MAP7: variants seen among roughly 807,000 people sequenced by gnomAD.
The protein encoded by MAP7 is ensconsin.
In MAP7, 52 loss-of-function variants were observed where a neutral mutation model predicts 94.8. That is an observed-to-expected ratio of 0.55 (90% confidence interval 0.44 to 0.69). The LOEUF is 0.69. MAP7 is among the 30% of genes least tolerant of loss of function. MAP7 has a pLI of 0.00. For missense variants in MAP7, 940 were observed against 964.6 expected, an observed-to-expected ratio of 0.97 and a Z score of 0.34; for synonymous variants, 350 against 357.0, an observed-to-expected ratio of 0.98 and a Z score of 0.22.
intron 1 of MAP7, among the ~76,000 whole-genome samples, chr6:136,459,742 C>A (rs192087574): frequency 1.1e-4 from 16 of 151,944 alleles, no homozygotes; most frequent in African/African-American, 3.1e-4. Context: ...CCATGGGCCA[C>A]GGGGAGGAGA....
chr6:136,509,898 T>C (rs1242863275), intron 1 of MAP7, among the ~76,000 whole-genome samples: 1 of 152,140 alleles, frequency 6.6e-6, no homozygotes, highest in Non-Finnish European at 1.5e-5. Flanking sequence ...TAGCAAATAT[T>C]AGATGTTAAG....
intron 1 of MAP7, among the ~76,000 whole-genome samples, chr6:136,503,316 A>T (rs1238401483): frequency 6.6e-6 from 1 of 151,960 alleles, no homozygotes; most frequent in African/African-American, 2.4e-5. Flanking sequence ...GTGAAGCAAG[A>T]AGAAGAGAAA....
At chr6:136,495,049 C>T (rs781522273) in intron 1 of MAP7, among the ~76,000 whole-genome samples, 2 of 152,258 alleles carry the variant, frequency 1.3e-5, no homozygotes, top group Non-Finnish European at 2.9e-5. Flanking sequence ...CAAAATGAGG[C>T]CTAGCAGAAG....
Position 136,366,403 on chromosome 6 carries a change from A to G in MAP7, c.913T>C (p.Phe305Leu). 1 of 1,614,106 alleles carries G rather than the reference A, an allele frequency of 6.2e-7. No homozygotes were observed. Among genetic ancestry groups the G allele is most frequent in the South Asian group, 1.1e-5 (1 of 91,080 alleles). The change falls in exon 9 of 18, where the codon TTC becomes CTC. Residue 305 changes from phenylalanine to leucine, a missense_variant. Phe to Leu is a conservative substitution (Grantham distance 22). Transcript: ENST00000354570. ...GCCCTTCGGGTGCCAGATGTGAGGAAGAGTACATTTTCTCTCTCTCTTTCT... is the reference window on the plus strand; with the variant it reads ...GCCCTTCGGGTGCCAGATGTGAGGAGGAGTACATTTTCTCTCTCTCTTTCT... ...KKERERENVL[F>L]LTSGTRRAVS...
chr6:136,519,701 G>A (rs1056844646), intron 1 of MAP7, among the ~76,000 whole-genome samples: 2 of 152,158 alleles, frequency 1.3e-5, no homozygotes, highest in African/African-American at 4.8e-5. Context: ...ACAAAGTGGG[G>A]GCGGGGGAGT....
In MAP7 at chr6:136,389,537, A is replaced by G; in HGVS notation, c.245-20T>C. 1.9e-6 allele frequency: 3 copies of G among 1,604,124 alleles called. No individual in the cohort carries two copies. The highest frequency in any genetic ancestry group is 2.5e-6 in the Non-Finnish European group (3 of 1,178,222). ...TTGCAGCTTTGGGGAGGGTTAAAAA[A>G]AAAAAAAAAGAGGGAAATCAAATAT... On this transcript the variant is annotated intron_variant, in intron 3 of 17. Transcript: ENST00000354570.
chr6:136,432,551 C>T (rs1408029850), intron 1 of MAP7, among the ~76,000 whole-genome samples: 1 of 152,162 alleles, frequency 6.6e-6, no homozygotes, highest in African/African-American at 2.4e-5. Context: ...GTGAAAGGTT[C>T]CCCGATCAAA....
chr6:136,503,744 C>T (rs1385702347), intron 1 of MAP7, among the ~76,000 whole-genome samples: 1 of 152,180 alleles, frequency 6.6e-6, no homozygotes, highest in African/African-American at 2.4e-5. Context: ...AAGTGTCTTA[C>T]TAAATCAAGT....
intron 1 of MAP7, among the ~76,000 whole-genome samples, chr6:136,477,588 G>A (rs1421825458): frequency 6.6e-6 from 1 of 152,148 alleles, no homozygotes; most frequent in Non-Finnish European, 1.5e-5. Flanking sequence ...TAATGATAAA[G>A]GAGTGAATTC....
At chr6:136,494,133 A>G (rs533131735) in intron 1 of MAP7, among the ~76,000 whole-genome samples, 2 of 152,212 alleles carry the variant, frequency 1.3e-5, no homozygotes, top group Non-Finnish European at 2.9e-5. Context: ...ATTGCAACGA[A>G]TTAGTAGAAC....
At chr6:136,366,158 A>C in intron 9 of MAP7, 140 bp from the exon 10 acceptor site, 1 of 1,068,864 alleles carries the variant, frequency 9.4e-7, no homozygotes, top group Non-Finnish European at 1.3e-6. Flanking sequence ...ACAGAAATAG[A>C]GTTGCTTTAG....
At chr6:136,513,891 A>G (rs1288858734) in intron 1 of MAP7, among the ~76,000 whole-genome samples, 1 of 152,108 alleles carries the variant, frequency 6.6e-6, no homozygotes, top group Non-Finnish European at 1.5e-5. Flanking sequence ...TATAAATTGC[A>G]TGTGTTTTGC....
chr6:136,491,299 A>G (rs1160751015), intron 1 of MAP7, among the ~76,000 whole-genome samples: 3 of 152,240 alleles, frequency 2.0e-5, no homozygotes, highest in Non-Finnish European at 4.4e-5. Flanking sequence ...GCAATTTCAT[A>G]TAATTCAATC....
chr6:136,391,959 A>C (rs1026669141), intron 3 of MAP7, among the ~76,000 whole-genome samples: 2 of 152,252 alleles, frequency 1.3e-5, no homozygotes, highest in Non-Finnish European at 2.9e-5. Flanking sequence ...AGCTTAAACA[A>C]CACAAAATAA....
intron 6 of MAP7, among the ~76,000 whole-genome samples, chr6:136,381,418 G>C (rs1259913148): frequency 2.0e-5 from 3 of 152,058 alleles, no homozygotes; most frequent in Non-Finnish European, 2.9e-5. Context: ...GGGCTCAAAT[G>C]ATTCACCCAC....
chr6:136,509,654 A>T (rs1245396759), intron 1 of MAP7, among the ~76,000 whole-genome samples: 7 of 152,014 alleles, frequency 4.6e-5, no homozygotes, highest in Non-Finnish European at 1.0e-4. Flanking sequence ...AATCTCCCAG[A>T]CTCAAGCAAT....
chr6:136,451,091 G>GA (rs1221256559), intron 1 of MAP7, among the ~76,000 whole-genome samples: 4 of 152,236 alleles, frequency 2.6e-5, no homozygotes, highest in Non-Finnish European at 5.9e-5. Flanking sequence ...GTACCAGAAA[G>GA]AAAGGGATGG....
At chr6:136,415,690 C>T (rs377180270) in intron 2 of MAP7, among the ~76,000 whole-genome samples, 21 of 152,280 alleles carry the variant, frequency 1.4e-4, no homozygotes, top group East Asian at 5.8e-4. Flanking sequence ...TTATACTCTT[C>T]GCATGTAACA....
At chr6:136,370,491 G>A (rs1181247223) in intron 8 of MAP7, among the ~76,000 whole-genome samples, 2 of 152,276 alleles carry the variant, frequency 1.3e-5, no homozygotes, top group African/African-American at 2.4e-5. Flanking sequence ...CAATAGCCAC[G>A]AGGTGAAAGC....
Sources: allele counts gnomAD v4.1 joint callset (sites outside exome capture counted in the v4.1 genomes callset), GRCh38; gene constraint gnomAD v4.1.1; transcripts MANE v1.5; gene names NCBI Gene and HGNC (gene_info 2026-07-23, HGNC 2026-07-21).